GNS: variants seen among roughly 807,000 people sequenced by gnomAD.
GNS encodes N-acetylglucosamine-6-sulfatase.
In GNS, 40 loss-of-function variants were observed where a neutral mutation model predicts 69.7. That is an observed-to-expected ratio of 0.57 (90% CI 0.45 to 0.75). GNS has a LOEUF of 0.75. Among genes scored for constraint, GNS ranks in the 30% least tolerant of loss-of-function variants. The pLI, the probability that GNS is intolerant of heterozygous loss-of-function variation, is 0.00. For missense variants in GNS, 565 were observed against 685.5 expected (o/e 0.82, Z 1.96); for synonymous variants, 243 against 251.6 (o/e 0.97, Z 0.32).
Position 64,759,312 on chromosome 12 carries a change from G to A in GNS, c.-36C>T, listed in dbSNP as rs1261628621. The A allele has an allele frequency of 3.7e-6, 5 of 1,358,992 alleles. No homozygotes were observed. The highest frequency in any genetic ancestry group is 2.8e-5 in the Admixed American group (1 of 35,960). 84.2% of individuals were successfully genotyped at this position (1,358,992 alleles called of 1,614,324 possible). A position where few individuals can be genotyped will look rare whatever the true frequency, so the allele number is the denominator to read the frequency against. On this transcript the variant is annotated 5_prime_UTR_variant, in exon 1 of 14. Transcript: ENST00000258145. ...CTCCGGGGTGACCCCGGGACGGGAC[G>A]GGACGGAGGGACGCACAGGTAGCTG...
intron 1 of GNS, among the ~76,000 whole-genome samples, chr12:64,754,966 C>T (rs576105930): frequency 3.1e-4 from 47 of 152,110 alleles, no homozygotes; most frequent in Non-Finnish European, 4.7e-4. Flanking sequence ...AACCATAATC[C>T]GTGCTTAATT....
intron 6 of GNS, among the ~76,000 whole-genome samples, chr12:64,741,068 G>GACTT (rs1592502871): frequency 0.68 from 94,367 of 137,774 alleles, 34,138 homozygotes; most frequent in African/African-American, 0.9. Context: ...CAAATAGGGC[G>GACTT]TAGTGGCGGG....
chr12:64,756,823 C>G, intron 1 of GNS: 1 of 835,264 alleles, frequency 1.2e-6, no homozygotes, highest in Non-Finnish European at 1.9e-6. Context: ...GCCCTCCACT[C>G]AATTTTGGTA....
chr12:64,741,038 T>A (rs922895048), intron 6 of GNS, among the ~76,000 whole-genome samples: 1 of 152,102 alleles, frequency 6.6e-6, no homozygotes, highest in African/African-American at 2.4e-5. Flanking sequence ...GCCTTTGGTC[T>A]ACTACAATTA....
At position 64,714,733 on chromosome 12, in the gene GNS, G is replaced by A. The variant is rs1300149742; in HGVS notation, c.*2008C>T. On this transcript the variant is annotated 3_prime_UTR_variant, in exon 14 of 14. Transcript: ENST00000258145. Reference sequence around the variant, plus strand: ...GACATCACAGTCCAAGACCTGGTAAGAGTTGGTTTCTTTTTATTTGGAAAT... The same window carrying A: ...GACATCACAGTCCAAGACCTGGTAAAAGTTGGTTTCTTTTTATTTGGAAAT... 1 of 152,184 alleles carries A rather than the reference G, an allele frequency of 6.6e-6. No individual in the cohort carries two copies. Among genetic ancestry groups the A allele is most frequent in the Non-Finnish European group, 1.5e-5 (1 of 68,036 alleles). The allele number at this position is 152,184 out of a possible 1,614,324, so 9.4% of individuals were successfully genotyped here.
chr12:64,733,297 CAAAAAAA>C (rs961321163), intron 9 of GNS, among the ~76,000 whole-genome samples: 25 of 26,650 alleles, frequency 9.4e-4, no homozygotes, highest in South Asian at 2.1e-3. Flanking sequence ...GACCCTGTCT[CAAAAAAA>C]AAAAAAAAAA....
At chr12:64,741,141 A>G (rs1371470924) in intron 6 of GNS, among the ~76,000 whole-genome samples, 1 of 15,860 alleles carries the variant, frequency 6.3e-5, no homozygotes, top group Non-Finnish European at 9.4e-5. Context: ...CGGGAGGCGG[A>G]GCTTGCAGTG....
chr12:64,714,173 A>G lies in GNS; in HGVS notation c.*2568T>C, dbSNP rs1868791972. On this transcript the variant is annotated 3_prime_UTR_variant, in exon 14 of 14. Transcript: ENST00000258145. ...ACAGCACCATTTGTCAAATTCAAAG[A>G]TGCTCAAAAGGTGTTCCCTACTTTG... The G allele has an allele frequency of 6.6e-6, 1 of 152,214 alleles. No individual in the cohort carries two copies. The highest frequency in any genetic ancestry group is 2.4e-5 in the African/African-American group (1 of 41,462). 9.4% of individuals were successfully genotyped at this position (152,214 alleles called of 1,614,324 possible). A position where few individuals can be genotyped will look rare whatever the true frequency, so the allele number is the denominator to read the frequency against.
At chr12:64,732,065 C>T (rs192995098) in intron 9 of GNS, among the ~76,000 whole-genome samples, 1 of 151,912 alleles carries the variant, frequency 6.6e-6, no homozygotes, top group Non-Finnish European at 1.5e-5. Context: ...CGGCTCACTG[C>T]AATCTCCACC....
chr12:64,755,455 G>A (rs1164728664), intron 1 of GNS, among the ~76,000 whole-genome samples: 2 of 151,278 alleles, frequency 1.3e-5, no homozygotes, highest in South Asian at 4.2e-4. Flanking sequence ...GTGGGTGCCT[G>A]TAAACCCAGC....
rs187434152 is a variant in GNS at position 64,723,858 on chromosome 12, A to C, written c.1201-745T>G. The stretch of plus-strand genomic sequence containing the variant: ...GGGTGGAGAGGCAGGCTGGTACCAC[A>C]CAGGAAAAGGCCCTGAACATCATGC... On this transcript the variant is annotated intron_variant, in intron 10 of 13. Coordinates refer to ENST00000258145, the MANE Select transcript of GNS (RefSeq NM_002076.4). 2.6e-4 allele frequency among the ~76,000 whole-genome samples: 39 copies of C among 152,306 alleles called. 1 individual carries two copies. The highest frequency in any genetic ancestry group is 2.6e-4 in the Admixed American group (4 of 15,294).
chr12:64,752,857 T>A, intron 1 of GNS, 100 bp from the exon 2 acceptor site: 1 of 731,116 alleles, frequency 1.4e-6, no homozygotes, highest in South Asian at 1.5e-5. Context: ...AATCTTTTAT[T>A]CCCAAATGGT....
Position 64,716,512 on chromosome 12 carries a change from G to C in GNS, c.*229C>G. 2 of 584,468 alleles carry C rather than the reference G, an allele frequency of 3.4e-6. No homozygotes were observed. The highest frequency in any genetic ancestry group is 3.1e-6 in the Non-Finnish European group (1 of 323,136). The allele number at this position is 584,468 out of a possible 1,614,324, so 36.2% of individuals were successfully genotyped here. A position where few individuals can be genotyped will look rare whatever the true frequency, so the allele number is the denominator to read the frequency against. ...AAAGACCTCAGGAGTGTCCTTGTCAGCTAAAGGAAGAGACCAGAGACAGCC... is the reference window on the plus strand; with the variant it reads ...AAAGACCTCAGGAGTGTCCTTGTCACCTAAAGGAAGAGACCAGAGACAGCC... On this transcript the variant is annotated 3_prime_UTR_variant, in exon 14 of 14. Coordinates refer to ENST00000258145, the MANE Select transcript of GNS (RefSeq NM_002076.4).
chr12:64,739,564 C>CAAAAA, intron 7 of GNS, 65 bp from the exon 8 acceptor site: 10 of 296,684 alleles, frequency 3.4e-5, no homozygotes, highest in Admixed American at 6.3e-5. Flanking sequence ...ACTATCTTGC[C>CAAAAA]AAAAAAAAAA....
At chr12:64,740,999 CGA>C (rs144843364) in intron 6 of GNS, among the ~76,000 whole-genome samples, 1 of 152,172 alleles carries the variant, frequency 6.6e-6, no homozygotes, top group Non-Finnish European at 1.5e-5. Context: ...CTAGCTAAAG[CGA>C]GATTACATTT....
At chr12:64,740,536 T>C (rs1236033601) in intron 7 of GNS, 70 bp downstream of exon 7, 2 of 840,246 alleles carry the variant, frequency 2.4e-6, no homozygotes, top group Non-Finnish European at 4.2e-6. Context: ...TGTGGTGTGG[T>C]CTCCTCTTCA....
chr12:64,732,230 C>T (rs1480886283), intron 9 of GNS, among the ~76,000 whole-genome samples: 5 of 140,836 alleles, frequency 3.6e-5, no homozygotes, highest in Non-Finnish European at 6.0e-5. Flanking sequence ...TACAGTAGCA[C>T]GATCTCAGCT....
At chr12:64,719,656 C>T (rs1276513334) in intron 13 of GNS, among the ~76,000 whole-genome samples, 1 of 152,200 alleles carries the variant, frequency 6.6e-6, no homozygotes, top group Non-Finnish European at 1.5e-5. Flanking sequence ...GGCATATACT[C>T]TTGCAAGCTC....
At chr12:64,748,634 ACATTTCCTATAT>A (rs1262145860) in intron 2 of GNS, among the ~76,000 whole-genome samples, 20 of 152,160 alleles carry the variant, frequency 1.3e-4, no homozygotes, top group Non-Finnish European at 2.9e-4. Context: ...GCAGCTTTAC[ACATTTCCTATAT>A]CATTTTATAC....
Sources: allele counts gnomAD v4.1 joint callset (sites outside exome capture counted in the v4.1 genomes callset), GRCh38; gene constraint gnomAD v4.1.1; transcripts MANE v1.5; gene names NCBI Gene and HGNC (gene_info 2026-07-23, HGNC 2026-07-21).